Variants in SFSWAP observed in about 807,000 individuals in gnomAD.
The protein encoded by SFSWAP is splicing factor SWAP, also known as splicing factor, suppressor of white-apricot homolog.
In SFSWAP, 17 loss-of-function variants were observed where a neutral mutation model predicts 100.7. The ratio of observed to expected loss-of-function variants is 0.17; its 90% confidence interval spans 0.12 to 0.25. The LOEUF (loss-of-function observed/expected upper bound fraction) is 0.25, where lower values mean the gene tolerates loss of function less well. SFSWAP is among the 10% of genes least tolerant of loss of function. The probability of loss-of-function intolerance (pLI) is 1.00; values close to 1 mark genes in which losing one functional copy is unlikely to be tolerated. For missense variants in SFSWAP, 1,005 were observed against 1,262.6 expected (o/e 0.80, Z 3.09); for synonymous variants, 504 against 510.1 (o/e 0.99, Z 0.16).
Position 131,764,644 on chromosome 12 carries a change from A to C in SFSWAP, c.1909A>C (p.Lys637Gln). 6.2e-7 allele frequency: 1 copy of C among 1,614,108 alleles called. No individual in the cohort carries two copies. The highest frequency in any genetic ancestry group is 1.1e-5 in the South Asian group (1 of 91,084). The change falls in exon 12 of 18, where the codon AAG (lysine) becomes CAG (glutamine). Residue 637 changes from lysine to glutamine, a missense_variant. Physicochemically the swap from Lys to Gln is moderately conservative, Grantham distance 53. Around this residue, in one of 7 missense-constraint regions of SFSWAP, gnomAD observed 82 missense variants for 131.0 expected, o/e 0.63. Coordinates refer to ENST00000261674, the MANE Select transcript of SFSWAP (RefSeq NM_004592.4). ...CCCACCCTGTGTAGTTGTTGAGGAG[A>C]AGAAGCCTCAACTTACCCAGGAGGA... The part of the protein sequence containing the change: ...VAPPCVVVEE[K>Q]KPQLTQEELE...
chr12:131,769,404 C>A (rs1883396976), intron 13 of SFSWAP, among the ~76,000 whole-genome samples: 1 of 152,148 alleles, frequency 6.6e-6, no homozygotes, highest in Non-Finnish European at 1.5e-5. Flanking sequence ...AATTGAAAGA[C>A]ATTCACAGGA....
At chr12:131,719,145 T>C (rs1316850491) in intron 3 of SFSWAP, among the ~76,000 whole-genome samples, 3 of 152,140 alleles carry the variant, frequency 2.0e-5, no homozygotes, top group African/African-American at 7.2e-5. Flanking sequence ...CGTGTGGATA[T>C]TGGTGTCTGC....
Position 131,711,135 on chromosome 12 carries a change from T to A in SFSWAP, c.-95T>A. Reference sequence around the variant, plus strand: ...GGCGGTGTTGAGGTTGGGTACGGGATGCGGGGTCTTTGACTGAAGGGGTAG... The same window carrying A: ...GGCGGTGTTGAGGTTGGGTACGGGAAGCGGGGTCTTTGACTGAAGGGGTAG... On this transcript the variant is annotated 5_prime_UTR_variant, in exon 1 of 18. It removes an upstream start codon present in the reference 5' UTR. Coordinates refer to ENST00000261674, the MANE Select transcript of SFSWAP (RefSeq NM_004592.4). The surrounding 1 kb of genome is among the most constrained non-coding windows in gnomAD (Gnocchi z 4.9). 9.8e-7 allele frequency: 1 copy of A among 1,018,406 alleles called. No homozygotes were observed. The highest frequency in any genetic ancestry group is 1.4e-6 in the Non-Finnish European group (1 of 715,716). 63.1% of individuals were successfully genotyped at this position (1,018,406 alleles called of 1,614,324 possible). A position where few individuals can be genotyped will look rare whatever the true frequency, so the allele number is the denominator to read the frequency against.
At chr12:131,779,591 C>T (rs905039038) in intron 14 of SFSWAP, among the ~76,000 whole-genome samples, 4 of 151,252 alleles carry the variant, frequency 2.6e-5, no homozygotes, top group Middle Eastern at 3.4e-3. Context: ...TGACTCTCCT[C>T]GGTTTCTCTA....
chr12:131,738,747 C>CT (rs1203582391), intron 7 of SFSWAP, among the ~76,000 whole-genome samples: 8 of 152,046 alleles, frequency 5.3e-5, no homozygotes, highest in African/African-American at 1.9e-4. Context: ...GCATGTGTAT[C>CT]TCTCTCTTCT....
At chr12:131,721,618 A>G (rs964752312) in intron 4 of SFSWAP, among the ~76,000 whole-genome samples, 2 of 152,214 alleles carry the variant, frequency 1.3e-5, no homozygotes, top group African/African-American at 4.8e-5. Context: ...TTTTTATTCA[A>G]ATTTAAATAT....
rs1395182272 is a variant in SFSWAP at position 131,711,811 on chromosome 12, CA to C, written c.218+365del. On this transcript the variant is annotated intron_variant, in intron 1 of 17. Coordinates refer to ENST00000261674, the MANE Select transcript of SFSWAP (RefSeq NM_004592.4). This position sits in a 1 kb window ranked among gnomAD's most constrained non-coding sequence, Gnocchi z 4.9. ...ACCTGGGCCTGCCGCCCGGCGATGC[CA>C]TGGGGTCGTGCGCTGCTTTTCTACT... is the stretch of plus-strand genomic sequence containing the variant. 1 of 245,586 alleles carries C rather than the reference CA, an allele frequency of 4.1e-6. No homozygotes were observed. Among genetic ancestry groups the C allele is most frequent in the Non-Finnish European group, 8.1e-6 (1 of 123,084 alleles). 15.2% of individuals were successfully genotyped at this position (245,586 alleles called of 1,614,324 possible).
intron 13 of SFSWAP, among the ~76,000 whole-genome samples, chr12:131,770,861 C>T (rs1177768718): frequency 6.6e-6 from 1 of 152,198 alleles, no homozygotes; most frequent in Admixed American, 6.5e-5. Context: ...CTCCCCTCCC[C>T]CAGCCCTGGC....
intron 7 of SFSWAP, among the ~76,000 whole-genome samples, chr12:131,736,584 T>C (rs757487554): frequency 3.3e-5 from 5 of 152,108 alleles, no homozygotes; most frequent in African/African-American, 4.8e-5. Context: ...CCGCCGACCG[T>C]AGAACCTGAA....
At chr12:131,723,669 C>T (rs938666589) in intron 4 of SFSWAP, among the ~76,000 whole-genome samples, 1 of 152,162 alleles carries the variant, frequency 6.6e-6, no homozygotes, top group East Asian at 1.9e-4. Context: ...TCCTGGTCCC[C>T]CGATGGGTCT....
chr12:131,755,209 G>A (rs61942900), intron 9 of SFSWAP, among the ~76,000 whole-genome samples, 177 bp from the exon 10 acceptor site: 11,282 of 152,134 alleles, frequency 0.074, 483 homozygotes, highest in Middle Eastern at 0.12. Context: ...GTGTAACCCC[G>A]GGCAAGCGAT....
chr12:131,797,765 C>A (rs1885789598), intron 16 of SFSWAP, among the ~76,000 whole-genome samples: 1 of 152,236 alleles, frequency 6.6e-6, no homozygotes, highest in Non-Finnish European at 1.5e-5. Flanking sequence ...CAAATGACGC[C>A]AACCTGTCAC....
At chr12:131,742,188 C>T (rs1420071983) in intron 7 of SFSWAP, among the ~76,000 whole-genome samples, 1 of 152,188 alleles carries the variant, frequency 6.6e-6, no homozygotes, top group Non-Finnish European at 1.5e-5. Flanking sequence ...CCACAAGCCC[C>T]GTTCTCCTCA....
intron 13 of SFSWAP, among the ~76,000 whole-genome samples, chr12:131,775,290 C>T (rs891404929): frequency 6.6e-6 from 1 of 152,218 alleles, no homozygotes; most frequent in African/African-American, 2.4e-5. Context: ...CTCTCCTTCT[C>T]TTCAGCTCTC....
At chr12:131,735,874 A>G (rs1227951994) in intron 7 of SFSWAP, among the ~76,000 whole-genome samples, 1 of 152,262 alleles carries the variant, frequency 6.6e-6, no homozygotes, top group Admixed American at 6.5e-5. Flanking sequence ...CACAGAAATG[A>G]TAATTCTCAT....
chr12:131,711,146 T>C lies in SFSWAP; in HGVS notation c.-84T>C, dbSNP rs1877280008. ...GGTTGGGTACGGGATGCGGGGTCTT[T>C]GACTGAAGGGGTAGGCCAAGTGGAG... On this transcript the variant is annotated 5_prime_UTR_variant, in exon 1 of 18. The change abolishes the stop of an existing upstream ORF in the 5' untranslated region. Coordinates refer to ENST00000261674, the MANE Select transcript of SFSWAP (RefSeq NM_004592.4). This position sits in a 1 kb window ranked among gnomAD's most constrained non-coding sequence, Gnocchi z 4.9. The C allele has an allele frequency of 8.6e-7, 1 of 1,157,772 alleles. No individual in the cohort carries two copies. The highest frequency in any genetic ancestry group is 1.2e-6 in the Non-Finnish European group (1 of 838,234). 71.7% of individuals were successfully genotyped at this position (1,157,772 alleles called of 1,614,324 possible). A position where few individuals can be genotyped will look rare whatever the true frequency, so the allele number is the denominator to read the frequency against.
chr12:131,791,124 G>C (rs1885200461), intron 15 of SFSWAP, among the ~76,000 whole-genome samples: 1 of 152,204 alleles, frequency 6.6e-6, no homozygotes, highest in African/African-American at 2.4e-5. Flanking sequence ...CTGGCGCGGT[G>C]GCTCATACCT....
At chr12:131,783,821 T>TAA (rs1491133531) in intron 14 of SFSWAP, 2 of 131,656 alleles carry the variant, frequency 1.5e-5, no homozygotes, top group Non-Finnish European at 3.2e-5. Context: ...TATATATATA[T>TAA]AATTCTTTGT....
intron 7 of SFSWAP, among the ~76,000 whole-genome samples, chr12:131,742,795 A>G (rs763821495): frequency 2.6e-5 from 4 of 152,184 alleles, no homozygotes; most frequent in Non-Finnish European, 5.9e-5. Context: ...GGATAGCCTC[A>G]TGGTTTATAT....
Sources: gnomAD v4.1 joint callset for allele counts (sites outside exome capture counted in the v4.1 genomes callset) on GRCh38, gnomAD v4.1.1 for gene constraint, gnomAD v4.1.1 regional missense constraint, Gnocchi (gnomAD v3.1) non-coding constraint, MANE v1.5 for transcripts, NCBI Gene and HGNC (gene_info 2026-07-23, HGNC 2026-07-21) for gene names.